The following POLR2F variants were observed in gnomAD, a reference collection of about 807,000 sequenced individuals.
The protein encoded by POLR2F is RNA polymerase II, I and III subunit F.
POLR2F carries 12 observed loss-of-function variants against 22.7 expected under a neutral mutation model. The ratio of observed to expected loss-of-function variants is 0.53; its 90% CI spans 0.34 to 0.86. POLR2F has a LOEUF of 0.86. Ranked by LOEUF, POLR2F falls within the 40% of genes least tolerant of loss-of-function variation. POLR2F has a pLI of 0.02. For synonymous variants in POLR2F, 57 were observed against 66.0 expected (o/e 0.86, Z 0.66); for missense variants, 126 against 171.5 (o/e 0.73, Z 1.48).
At chr22:37,956,099 G>A (rs187733445) in intron 1 of POLR2F, among the ~76,000 whole-genome samples, 201 of 151,308 alleles carry the variant, frequency 1.3e-3, no homozygotes, top group Non-Finnish European at 2.2e-3. Context: ...GTGGCGGGGG[G>A]GGGTTTTGAG....
intron 1 of POLR2F, among the ~76,000 whole-genome samples, chr22:37,989,776 C>T (rs1932684209): frequency 6.6e-6 from 1 of 152,242 alleles, no homozygotes; most frequent in Non-Finnish European, 1.5e-5. Context: ...CCACTCTGCT[C>T]TATTGCCCCT....
intron 1 of POLR2F, among the ~76,000 whole-genome samples, chr22:38,003,288 G>A (rs1370089816): frequency 1.3e-5 from 2 of 151,710 alleles, no homozygotes; most frequent in African/African-American, 4.8e-5. Context: ...GTGCAGTGGC[G>A]TGATCTCGGC....
Position 38,016,537 on chromosome 22 carries a change from G to A in POLR2F, c.121-9332G>A, listed in dbSNP as rs2084916885. 6.6e-6 allele frequency among the ~76,000 whole-genome samples: 1 copy of A among 152,226 alleles called. No homozygotes were observed. The highest frequency in any genetic ancestry group is 1.5e-5 in the Non-Finnish European group (1 of 68,032). Reference sequence around the variant, plus strand: ...ATCAGAGGGGCTTAGGGGCGAGGGGGCTGCTTGGCAGGACTTGGTGGGGTG... The same window carrying A: ...ATCAGAGGGGCTTAGGGGCGAGGGGACTGCTTGGCAGGACTTGGTGGGGTG... On this transcript the variant is annotated intron_variant, in intron 1 of 2. Transcript: ENST00000333418. The surrounding 1 kb of genome is among the most constrained non-coding windows in gnomAD (Gnocchi z 4.4).
intron 3 of POLR2F, 51 bp from the exon 4 acceptor site, chr22:37,967,048 C>A: frequency 7.3e-7 from 1 of 1,376,918 alleles, no homozygotes; most frequent in Admixed American, 2.2e-5. Flanking sequence ...GCCTGTTGGG[C>A]CCTTCTCCCT....
intron 1 of POLR2F, among the ~76,000 whole-genome samples, chr22:38,009,650 C>T (rs975361104): frequency 1.3e-5 from 2 of 152,150 alleles, no homozygotes; most frequent in African/African-American, 2.4e-5. Context: ...CCCAAACTTT[C>T]CTCTTGCCCC....
chr22:37,955,203 G>T (rs1047952203), intron 1 of POLR2F, among the ~76,000 whole-genome samples: 140 of 131,756 alleles, frequency 1.1e-3, no homozygotes, highest in African/African-American at 3.3e-3. Context: ...AGAAATAAGG[G>T]TTTTTTTTTT....
intron 2 of POLR2F, among the ~76,000 whole-genome samples, chr22:37,957,635 C>T (rs569944837): frequency 2.8e-4 from 43 of 152,266 alleles, no homozygotes; most frequent in Non-Finnish European, 5.4e-4. Context: ...GAGTCAGATG[C>T]GTCCTTCTCC....
At chr22:37,961,252 CTTGCTATG>C (rs1333861471) in intron 3 of POLR2F, among the ~76,000 whole-genome samples, 1 of 151,924 alleles carries the variant, frequency 6.6e-6, no homozygotes, top group African/African-American at 2.4e-5. Flanking sequence ...AGATAGGGGT[CTTGCTATG>C]TTGCCCAGGC....
chr22:38,038,878 A>C (rs1179664962), intron 5 of POLR2F, among the ~76,000 whole-genome samples: 1 of 145,424 alleles, frequency 6.9e-6, no homozygotes, highest in Non-Finnish European at 1.5e-5. Flanking sequence ...GGCGGCCGCC[A>C]TCTTGCGAGC....
upstream of POLR2F, chr22:37,983,599 C>T: frequency 6.2e-7 from 1 of 1,608,450 alleles, no homozygotes; most frequent in Middle Eastern, 1.7e-4. The surrounding 1 kb of genome is among the most constrained non-coding windows in gnomAD (Gnocchi z 9.5). Flanking sequence ...CATCGTCCGC[C>T]TCGCCGTCCT....
chr22:37,987,327 A>C (rs148688873), intron 1 of POLR2F: 12,924 of 456,142 alleles, frequency 0.028, 421 homozygotes, highest in East Asian at 0.092. Flanking sequence ...CCCAGAGAGG[A>C]GGAGAGGAAA....
upstream of POLR2F, chr22:37,983,358 T>C: frequency 6.2e-7 from 1 of 1,607,422 alleles, no homozygotes; most frequent in Non-Finnish European, 8.5e-7. The surrounding 1 kb of genome is among the most constrained non-coding windows in gnomAD (Gnocchi z 9.5). Context: ...GGTGCTCACC[T>C]CCAGAGCTTG....
chr22:38,026,200 C>T (rs546518170), intron 2 of POLR2F: 43 of 532,714 alleles, frequency 8.1e-5, no homozygotes, highest in African/African-American at 7.1e-4. Context: ...TGTCCATCCT[C>T]CTGAGCACTG....
chr22:37,966,398 CCT>C (rs1931853346), intron 3 of POLR2F, among the ~76,000 whole-genome samples: 1 of 151,970 alleles, frequency 6.6e-6, no homozygotes, highest in African/African-American at 2.4e-5. Context: ...AGGTGAGCCC[CCT>C]GACTGCTGGC....
At chr22:38,000,987 C>A (rs764247644) in intron 1 of POLR2F, among the ~76,000 whole-genome samples, 18 of 151,976 alleles carry the variant, frequency 1.2e-4, no homozygotes, top group African/African-American at 4.4e-4. Context: ...AGGGTATGAA[C>A]GGAGATGACA....
At position 37,968,070 on chromosome 22, in the gene POLR2F, C is replaced by G. The variant is rs1931928197; in HGVS notation, c.*355C>G. 3.0e-5 allele frequency: 30 copies of G among 1,008,268 alleles called. No individual in the cohort carries two copies. Among genetic ancestry groups the G allele is most frequent in the Non-Finnish European group, 3.4e-5 (29 of 844,196 alleles). The allele number at this position is 1,008,268 out of a possible 1,614,324, so 62.5% of individuals were successfully genotyped here. ...CCAGGGAGCTGGTTGCCACGGAAAC[C>G]CCCAATTTCCTTTCCAGTGGGGACT... On this transcript the variant is annotated 3_prime_UTR_variant, in exon 5 of 5. Transcript: ENST00000442738.
chr22:37,967,751 A>G lies in POLR2F; in HGVS notation c.*36A>G, dbSNP rs368669191. Reference sequence around the variant, plus strand: ...TCTTCCTGCCCTTGCCCCATGCCCAATTTTCATTCTCACTTTATATGTGTA... The same window carrying G: ...TCTTCCTGCCCTTGCCCCATGCCCAGTTTTCATTCTCACTTTATATGTGTA... On this transcript the variant is annotated 3_prime_UTR_variant, in exon 5 of 5. Transcript: ENST00000442738. 33 of 1,591,502 alleles carry G rather than the reference A, an allele frequency of 2.1e-5. No individual in the cohort carries two copies. In the African/African-American group the frequency reaches 4.2e-4, roughly 20 times the overall value.
intron 3 of POLR2F, among the ~76,000 whole-genome samples, chr22:37,962,373 T>C (rs1034701571): frequency 1.3e-5 from 2 of 152,200 alleles, no homozygotes; most frequent in African/African-American, 4.8e-5. Flanking sequence ...CCTCCTCTAG[T>C]CCTGTAGGGG....
intron 1 of POLR2F, among the ~76,000 whole-genome samples, chr22:38,025,254 C>G (rs1464660979): frequency 6.6e-6 from 1 of 152,162 alleles, no homozygotes; most frequent in Non-Finnish European, 1.5e-5. Context: ...CACACACACA[C>G]AGGCACTCAT....
Sources: gnomAD v4.1 joint callset for allele counts (sites outside exome capture counted in the v4.1 genomes callset) on GRCh38, gnomAD v4.1.1 for gene constraint, Gnocchi (gnomAD v3.1) non-coding constraint, MANE v1.5 for transcripts, NCBI Gene and HGNC (gene_info 2026-07-23, HGNC 2026-07-21) for gene names.